The following IL27RA variants were observed in gnomAD, a reference collection of about 807,000 sequenced individuals.
IL27RA encodes interleukin 27 receptor subunit alpha.
IL27RA carries 61 observed loss-of-function variants against 80.8 expected under a neutral mutation model. The observed-to-expected ratio is 0.76, with a 90% CI of 0.61 to 0.93. The LOEUF (loss-of-function observed/expected upper bound fraction) is 0.93. Among genes scored for constraint, IL27RA ranks in the 40% least tolerant of loss-of-function variants. The pLI is 0.00. For synonymous variants in IL27RA, 316 were observed against 332.5 expected (o/e 0.95, Z 0.54); for missense variants, 735 against 808.1 (o/e 0.91, Z 1.10).
At position 14,050,817 on chromosome 19, in the gene IL27RA, T is replaced by C; in HGVS notation, c.1462T>C (p.Trp488Arg). Residue 488 changes from tryptophan to arginine, a missense_variant, in exon 11 of 14, where the codon TGG becomes CGG. Physicochemically the swap from Trp to Arg is moderately radical, Grantham distance 101 (BLOSUM62 -3). Transcript: ENST00000263379. ...PDLPWGPCEL[W>R]VTASTIAGQG... ...CCTTCCTTGGGGTCCCTGTGAGCTG[T>C]GGGTGACAGCATCTACCATCGCTGG... 6.2e-7 allele frequency: 1 copy of C among 1,613,676 alleles called. No homozygotes were observed.
intron 8 of IL27RA, among the ~76,000 whole-genome samples, chr19:14,047,448 G>A (rs941229433): frequency 6.0e-5 from 9 of 150,154 alleles, no homozygotes; most frequent in South Asian, 4.2e-4. Flanking sequence ...TTCACCTCCC[G>A]GGTTCAAGCG....
Position 14,049,229 on chromosome 19 carries a change from G to T in IL27RA, c.1317G>T (p.Glu439Asp), listed in dbSNP as rs1305532437. 6.2e-7 allele frequency: 1 copy of T among 1,614,128 alleles called. No homozygotes were observed. Among genetic ancestry groups the T allele is most frequent in the Admixed American group, 1.7e-5 (1 of 60,002 alleles). ...PPGTPAIAWG[E>D]VPRHQLRGHL... Reference sequence around the variant, plus strand: ...GGACCCCCGCCATAGCGTGGGGAGAGGTCCCAAGGCACCAGCTTCGAGGCC... The same window carrying T: ...GGACCCCCGCCATAGCGTGGGGAGATGTCCCAAGGCACCAGCTTCGAGGCC... The change falls in exon 10 of 14, where the codon GAG becomes GAT. Residue 439 changes from glutamate (E) to aspartate (D), a missense_variant. Transcript: ENST00000263379.
At chr19:14,050,729 T>A in intron 10 of IL27RA, 29 bp from the exon 11 acceptor site, 2 of 1,595,128 alleles carry the variant, frequency 1.3e-6, no homozygotes, top group South Asian at 2.2e-5. Flanking sequence ...CTTGACCACC[T>A]CCCCAACTTC....
At chr19:14,034,387 C>T (rs751528521) in intron 2 of IL27RA, among the ~76,000 whole-genome samples, 3 of 151,984 alleles carry the variant, frequency 2.0e-5, no homozygotes, top group Non-Finnish European at 2.9e-5. Flanking sequence ...AGGCCCTACA[C>T]GGTGGCTCAC....
At chr19:14,039,241 C>T (rs554757779) in intron 2 of IL27RA, among the ~76,000 whole-genome samples, 15 of 150,356 alleles carry the variant, frequency 1.0e-4, no homozygotes, top group Admixed American at 6.7e-4. Context: ...AAGCCAAGAT[C>T]ACGACATTAT....
chr19:14,051,541 C>G lies in IL27RA; in HGVS notation c.1529-66C>G, dbSNP rs183748040. 3.5e-4 allele frequency: 343 copies of G among 973,040 alleles called. 1 individual carries two copies. The highest frequency in any genetic ancestry group is 4.3e-4 in the Non-Finnish European group (303 of 708,508). 60.3% of individuals were successfully genotyped at this position (973,040 alleles called of 1,614,324 possible). A position where few individuals can be genotyped will look rare whatever the true frequency, so the allele number is the denominator to read the frequency against. Reference sequence around the variant, plus strand: ...TGGGTGACAGGGCAAGACTCTGTCTCAAAAATAAAAATAAAAAATAAAATA... The same window carrying G: ...TGGGTGACAGGGCAAGACTCTGTCTGAAAAATAAAAATAAAAAATAAAATA... On this transcript the variant is annotated intron_variant, in intron 11 of 13. Coordinates refer to ENST00000263379, the MANE Select transcript of IL27RA (RefSeq NM_004843.4).
In IL27RA at chr19:14,052,290, A is replaced by G. The variant is rs1206101089; in HGVS notation, c.1911A>G (p.Ter637TrpextTer12). The change falls in exon 14 of 14, where the codon TGA becomes TGG. Residue 637 changes from the stop codon to tryptophan, a stop_lost. Transcript: ENST00000263379. ...LGPPRPQVLA[*>W] is the part of the protein sequence containing the mutation. ...CCCCCAGGCCACAGGTTCTGGCCTG[A>G]ACCACACGTCTGGCTGGGGGCTGCC... The G allele has an allele frequency of 6.7e-7, 1 of 1,491,810 alleles. No individual in the cohort carries two copies. The highest frequency in any genetic ancestry group is 1.4e-5 in the South Asian group (1 of 71,676). The allele number at this position is 1,491,810 out of a possible 1,614,324, so 92.4% of individuals were successfully genotyped here.
intron 4 of IL27RA, among the ~76,000 whole-genome samples, chr19:14,040,959 A>T (rs931659969): frequency 2.7e-5 from 4 of 150,346 alleles, no homozygotes; most frequent in African/African-American, 9.8e-5. Context: ...GCTGGAGTGC[A>T]ATGGCATGAT....
At chr19:14,034,265 C>T (rs978365280) in intron 2 of IL27RA, among the ~76,000 whole-genome samples, 1 of 152,126 alleles carries the variant, frequency 6.6e-6, no homozygotes, top group African/African-American at 2.4e-5. Flanking sequence ...CTCATAATTT[C>T]AAATTGGGCT....
intron 2 of IL27RA, among the ~76,000 whole-genome samples, chr19:14,034,641 C>T (rs1280664665): frequency 7.2e-6 from 1 of 138,394 alleles, no homozygotes; most frequent in East Asian, 2.1e-4. Context: ...GCCTGGGTGA[C>T]AGAGCAAGAC....
intron 6 of IL27RA, among the ~76,000 whole-genome samples, chr19:14,045,365 G>C (rs912128786): frequency 2.0e-5 from 3 of 151,066 alleles, no homozygotes; most frequent in African/African-American, 4.9e-5. Context: ...CGAGACGGGC[G>C]GATTTTTTTT....
At chr19:14,035,843 C>T (rs1362664648) in intron 2 of IL27RA, among the ~76,000 whole-genome samples, 3 of 151,850 alleles carry the variant, frequency 2.0e-5, no homozygotes, top group Admixed American at 1.3e-4. Context: ...TGCAGCGGTG[C>T]GATCATAGCT....
chr19:14,046,572 C>A lies in IL27RA; in HGVS notation c.1095C>A (p.Leu365=), dbSNP rs755262972. Residue 365 remains leucine (L), a synonymous_variant, in exon 8 of 14, where the codon CTC becomes CTA. Transcript: ENST00000263379. The part of the protein sequence containing the change: ...WARDGDPLEK[L]NWVRLPPGNL... ...GAGATGGGGACCCCCTGGAGAAACT[C>A]AACTGGGTCCGGCTTCCCCCTGGGA... 1 of 1,613,388 alleles carries A rather than the reference C, an allele frequency of 6.2e-7. No homozygotes were observed. Among genetic ancestry groups the A allele is most frequent in the Admixed American group, 1.7e-5 (1 of 59,898 alleles).
At chr19:14,051,188 T>G (rs1976156758) in intron 11 of IL27RA, among the ~76,000 whole-genome samples, 1 of 152,134 alleles carries the variant, frequency 6.6e-6, no homozygotes, top group Admixed American at 6.5e-5. Flanking sequence ...AGTTGGAGGC[T>G]GCAGTACACG....
Position 14,036,445 on chromosome 19 carries a change from A to G in IL27RA, c.219-3063A>G, listed in dbSNP as rs558043145. On this transcript the variant is annotated intron_variant, in intron 2 of 13. Transcript: ENST00000263379. ...TCCGTGTCTTATTTCACGTAACATA[A>G]TGTTCGCCATTTCCATCCACATTGT... Among the ~76,000 whole-genome samples the G allele has an allele frequency of 2.7e-5, 4 of 150,282 alleles. No homozygotes were observed. In the East Asian group the frequency reaches 7.8e-4, roughly 29 times the overall value.
rs1314390811 is a variant in IL27RA at position 14,046,247 on chromosome 19, C to T, written c.862C>T (p.Leu288=). The change falls in exon 7 of 14, where the codon CTA becomes TTA. Residue 288 remains leucine (L), a synonymous_variant. Transcript: ENST00000263379. ...SPEGITCCCS[L]IPSGAEWARV... ...AGAAGGAATTACCTGCTGCTGCTCC[C>T]TAATTCCCAGTGGGGCGGAGTGGGC... is the stretch of plus-strand genomic sequence containing the variant. 1.9e-6 allele frequency: 3 copies of T among 1,614,184 alleles called. No homozygotes were observed. Among genetic ancestry groups the T allele is most frequent in the Admixed American group, 3.3e-5 (2 of 60,012 alleles).
rs370071884 is a variant in IL27RA at position 14,048,995 on chromosome 19, G to A, written c.1156G>A (p.Gly386Arg). ...TTGTCACTCAGGGAATTTCACTGTCGGGGTCCCCTATCGAATCACTGTGAC... is the reference window on the plus strand; with the variant it reads ...TTGTCACTCAGGGAATTTCACTGTCAGGGTCCCCTATCGAATCACTGTGAC... Reference protein sequence around the residue: ...SALLPGNFTVGVPYRITVTAV... With the variant: ...SALLPGNFTVRVPYRITVTAV... Residue 386 changes from glycine (G) to arginine (R), a missense_variant, in exon 9 of 14, where the codon GGG (glycine) becomes AGG (arginine). Physicochemically the swap from Gly to Arg is moderately radical, Grantham distance 125 (BLOSUM62 -2). Coordinates refer to ENST00000263379, the MANE Select transcript of IL27RA (RefSeq NM_004843.4). 1.6e-5 allele frequency: 26 copies of A among 1,613,726 alleles called. No individual in the cohort carries two copies. Among genetic ancestry groups the A allele is most frequent in the Middle Eastern group, 1.6e-4 (1 of 6,084 alleles).
chr19:14,049,292 C>G lies in IL27RA; in HGVS notation c.1380C>G (p.Thr460=). 1.2e-6 allele frequency: 2 copies of G among 1,613,884 alleles called. No homozygotes were observed. Among genetic ancestry groups the G allele is most frequent in the Admixed American group, 1.7e-5 (1 of 60,006 alleles). Residue 460 remains threonine (T), a synonymous_variant, in exon 10 of 14, where the codon ACC becomes ACG. Coordinates refer to ENST00000263379, the MANE Select transcript of IL27RA (RefSeq NM_004843.4). ...ACACCTTGTGTGCACAGAGTGGAAC[C>G]AGCCCCTCCGTCTGCATGAATGGTG... ...THYTLCAQSG[T]SPSVCMNVSG...
At chr19:14,032,264 C>T in intron 1 of IL27RA, 122 bp from the exon 2 acceptor site, 1 of 803,920 alleles carries the variant, frequency 1.2e-6, no homozygotes, top group Non-Finnish European at 2.0e-6. Context: ...CGCCTCCCTT[C>T]CTGCTGCTCA....
Sources: allele counts gnomAD v4.1 joint callset (sites outside exome capture counted in the v4.1 genomes callset), GRCh38; gene constraint gnomAD v4.1.1; transcripts MANE v1.5; gene names NCBI Gene and HGNC (gene_info 2026-07-23, HGNC 2026-07-21).